The following TMEM200A variants were observed in gnomAD, a reference collection of about 807,000 sequenced individuals.
TMEM200A encodes transmembrane protein 200A, also known as two transmembrane C.
A neutral mutation model predicts 24.3 loss-of-function variants in TMEM200A; 12 were observed. The ratio of observed to expected loss-of-function variants is 0.49; its 90% CI spans 0.32 to 0.80. The LOEUF is 0.80. Ranked by LOEUF, TMEM200A falls within the 30% of genes least tolerant of loss-of-function variation. The probability of loss-of-function intolerance (pLI) is 0.04; values close to 1 mark genes in which losing one functional copy is unlikely to be tolerated. For synonymous variants in TMEM200A, 224 were observed against 224.4 expected (o/e 1.00, Z 0.02); for missense variants, 545 against 614.4 (o/e 0.89, Z 1.19).
chr6:130,396,781 G>T (rs1436474327), intron 2 of TMEM200A, among the ~76,000 whole-genome samples: 1 of 152,000 alleles, frequency 6.6e-6, no homozygotes, highest in African/African-American at 2.4e-5. Flanking sequence ...CATCATCCAG[G>T]TGAAATTTAA....
At chr6:130,405,276 T>C (rs1215507003) in intron 2 of TMEM200A, among the ~76,000 whole-genome samples, 1 of 152,246 alleles carries the variant, frequency 6.6e-6, no homozygotes, top group East Asian at 1.9e-4. Flanking sequence ...TATTGATTCT[T>C]TCTGTTCATG....
chr6:130,384,694 C>T (rs985162294), intron 1 of TMEM200A, among the ~76,000 whole-genome samples: 1 of 152,274 alleles, frequency 6.6e-6, no homozygotes, highest in African/African-American at 2.4e-5. Flanking sequence ...TTCCTTGATT[C>T]AGAAAGGAAT....
At position 130,441,392 on chromosome 6, in the gene TMEM200A, A is replaced by T; in HGVS notation, c.970A>T (p.Met324Leu). The T allele has an allele frequency of 6.2e-7, 1 of 1,614,160 alleles. No individual in the cohort carries two copies. Among genetic ancestry groups the T allele is most frequent in the South Asian group, 1.1e-5 (1 of 91,090 alleles). The part of the protein sequence containing the change: ...NLKSRSRNLS[M>L]DSLVVPLPNT... ...CAAAAGTAGGTCAAGGAATTTGTCA[A>T]TGGATTCCCTTGTGGTTCCTTTGCC... Residue 324 changes from methionine to leucine, a missense_variant, in exon 3 of 3, where the codon ATG becomes TTG. Coordinates refer to ENST00000296978, the MANE Select transcript of TMEM200A (RefSeq NM_001258277.2).
At chr6:130,392,084 G>A (rs1778848124) in intron 2 of TMEM200A, among the ~76,000 whole-genome samples, 1 of 152,104 alleles carries the variant, frequency 6.6e-6, no homozygotes, top group African/African-American at 2.4e-5. Context: ...GTTCTGGAGT[G>A]AGAATCTTGC....
intron 2 of TMEM200A, among the ~76,000 whole-genome samples, chr6:130,427,020 C>T (rs1220204899): frequency 6.6e-6 from 1 of 152,144 alleles, no homozygotes; most frequent in African/African-American, 2.4e-5. Flanking sequence ...GTGATTTTAG[C>T]TATTTTCTAG....
At chr6:130,400,998 A>G (rs1779070639) in intron 2 of TMEM200A, among the ~76,000 whole-genome samples, 2 of 152,198 alleles carry the variant, frequency 1.3e-5, no homozygotes, top group South Asian at 4.1e-4. Context: ...ATGCCTTGAC[A>G]TCAGCTGAAA....
intron 2 of TMEM200A, among the ~76,000 whole-genome samples, chr6:130,431,253 CATT>C (rs1420061143): frequency 2.0e-5 from 3 of 152,122 alleles, no homozygotes; most frequent in African/African-American, 7.2e-5. Flanking sequence ...AGTAGAGTCT[CATT>C]ATTCAATGGT....
At chr6:130,384,486 A>C (rs1041347275) in intron 1 of TMEM200A, among the ~76,000 whole-genome samples, 2 of 151,950 alleles carry the variant, frequency 1.3e-5, no homozygotes, top group African/African-American at 4.8e-5. Context: ...GAATTTTTTA[A>C]TGTTTTGTAG....
At chr6:130,420,187 G>A (rs890559702) in intron 2 of TMEM200A, among the ~76,000 whole-genome samples, 1 of 152,090 alleles carries the variant, frequency 6.6e-6, no homozygotes, top group Admixed American at 6.6e-5. Context: ...TTAGTAAGTT[G>A]TTTTAATCTC....
At chr6:130,395,497 G>A (rs1444160318) in intron 2 of TMEM200A, among the ~76,000 whole-genome samples, 1 of 152,192 alleles carries the variant, frequency 6.6e-6, no homozygotes, top group African/African-American at 2.4e-5. Flanking sequence ...ATGATTATTC[G>A]AAACAACTAA....
At chr6:130,436,367 G>A (rs1321121186) in intron 2 of TMEM200A, among the ~76,000 whole-genome samples, 1 of 151,616 alleles carries the variant, frequency 6.6e-6, no homozygotes, top group African/African-American at 2.4e-5. Context: ...GTTACAGTGA[G>A]GAGACTAGTT....
At chr6:130,422,102 T>C (rs1779606912) in intron 2 of TMEM200A, among the ~76,000 whole-genome samples, 1 of 152,128 alleles carries the variant, frequency 6.6e-6, no homozygotes, top group East Asian at 1.9e-4. Flanking sequence ...CGTATGGTAG[T>C]CCTGTTTTTG....
chr6:130,433,418 A>G (rs1583230191), intron 2 of TMEM200A, among the ~76,000 whole-genome samples: 1 of 152,308 alleles, frequency 6.6e-6, no homozygotes, highest in East Asian at 1.9e-4. Context: ...GATTACAGGC[A>G]TGAGCCACCA....
intron 2 of TMEM200A, among the ~76,000 whole-genome samples, chr6:130,406,406 T>G (rs889386939): frequency 6.6e-6 from 1 of 152,168 alleles, no homozygotes; most frequent in African/African-American, 2.4e-5. Flanking sequence ...CTTGCATTTC[T>G]TTATAGTTTA....
At chr6:130,385,984 G>A (rs1398088145) in intron 2 of TMEM200A, among the ~76,000 whole-genome samples, 1 of 152,074 alleles carries the variant, frequency 6.6e-6, no homozygotes, top group East Asian at 1.9e-4. Context: ...TATTGGTAAG[G>A]GGACTCTTAA....
intron 1 of TMEM200A, among the ~76,000 whole-genome samples, chr6:130,380,746 T>C (rs1246726043): frequency 1.3e-5 from 2 of 152,206 alleles, no homozygotes; most frequent in East Asian, 3.9e-4. Context: ...GTGAGCATTG[T>C]CTCAAGGTGA....
chr6:130,410,675 C>CA (rs1779309953), intron 2 of TMEM200A, among the ~76,000 whole-genome samples: 1 of 152,148 alleles, frequency 6.6e-6, no homozygotes, highest in African/African-American at 2.4e-5. Context: ...AATCAGAAAA[C>CA]ATGACAAGAA....
intron 2 of TMEM200A, among the ~76,000 whole-genome samples, chr6:130,430,679 G>C (rs893161727): frequency 2.6e-5 from 4 of 152,200 alleles, no homozygotes; most frequent in South Asian, 4.2e-4. Context: ...TTTACAAGTG[G>C]AATAGATCAT....
At position 130,440,771 on chromosome 6, in the gene TMEM200A, G is replaced by A. The variant is rs76451765; in HGVS notation, c.349G>A (p.Glu117Lys). 3.1e-6 allele frequency: 5 copies of A among 1,613,882 alleles called. No homozygotes were observed. Among genetic ancestry groups the A allele is most frequent in the Non-Finnish European group, 4.2e-6 (5 of 1,179,954 alleles). ...AGGCGGTGTGGTGGTTCGCTTCTTT[G>A]AGCAGCATTTGCATTCTGATAAGAT... Reference protein sequence around the residue: ...NEGGVVVRFFEQHLHSDKMKM... With the variant: ...NEGGVVVRFFKQHLHSDKMKM... Residue 117 changes from glutamate (E) to lysine (K), a missense_variant, in exon 3 of 3, where the codon GAG becomes AAG. By Grantham distance (56) the Glu-to-Lys change is moderately conservative. Coordinates refer to ENST00000296978, the MANE Select transcript of TMEM200A (RefSeq NM_001258277.2).
Sources: allele counts gnomAD v4.1 joint callset (sites outside exome capture counted in the v4.1 genomes callset), GRCh38; gene constraint gnomAD v4.1.1; transcripts MANE v1.5; gene names NCBI Gene and HGNC (gene_info 2026-07-23, HGNC 2026-07-21).